Variants in ROBO2 observed in about 807,000 individuals in gnomAD.
The protein encoded by ROBO2 is roundabout homolog 2.
In ROBO2, 53 loss-of-function variants were observed where a neutral mutation model predicts 160.8. That is an observed-to-expected ratio of 0.33 (90% CI 0.26 to 0.41). The LOEUF (loss-of-function observed/expected upper bound fraction) is 0.41. Ranked by LOEUF, ROBO2 falls within the 10% of genes least tolerant of loss-of-function variation. The pLI is 1.00. For missense variants in ROBO2, 1,577 were observed against 1,722.4 expected (o/e 0.92, Z 1.49); for synonymous variants, 664 against 611.7 (o/e 1.09, Z -1.26).
chr3:76,596,005 T>C (rs2086711129), intron 2 of ROBO2, among the ~76,000 whole-genome samples: 3 of 152,094 alleles, frequency 2.0e-5, no homozygotes, highest in Admixed American at 1.3e-4. Context: ...TACACAAAGC[T>C]TGCCTTCAGA....
At chr3:75,974,974 A>T (rs1409155155) in intron 2 of ROBO2, among the ~76,000 whole-genome samples, 1 of 151,572 alleles carries the variant, frequency 6.6e-6, no homozygotes, top group Non-Finnish European at 1.5e-5. Context: ...CATATTTTTA[A>T]CCTGTCCTCA....
intron 2 of ROBO2, among the ~76,000 whole-genome samples, chr3:76,533,081 G>C (rs1184579608): frequency 6.6e-6 from 1 of 152,100 alleles, no homozygotes; most frequent in Admixed American, 6.6e-5. Context: ...TCATCAGAGG[G>C]GAGGCTATTA....
intron 2 of ROBO2, among the ~76,000 whole-genome samples, chr3:76,834,094 C>CTTTCTTTCTT (rs2067401613): frequency 8.3e-6 from 1 of 119,860 alleles, no homozygotes; most frequent in Admixed American, 9.2e-5. Context: ...TTCTTTCTTT[C>CTTTCTTTCTT]TTTCTTTCTT....
intron 2 of ROBO2, among the ~76,000 whole-genome samples, chr3:76,028,736 C>T (rs1457406262): frequency 9.9e-5 from 15 of 151,944 alleles, no homozygotes; most frequent in Admixed American, 9.2e-4. Flanking sequence ...TACCAAAGAT[C>T]ATTACCTGTC....
At chr3:76,831,319 TG>T (rs1347294092) in intron 2 of ROBO2, among the ~76,000 whole-genome samples, 1 of 152,192 alleles carries the variant, frequency 6.6e-6, no homozygotes, top group African/African-American at 2.4e-5. Context: ...TTTTGTAATA[TG>T]GTAAGTCCCC....
At chr3:77,180,410 C>CTCTA (rs2080618015) in intron 2 of ROBO2, among the ~76,000 whole-genome samples, 1 of 97,930 alleles carries the variant, frequency 1.0e-5, no homozygotes, top group Non-Finnish European at 2.3e-5. Flanking sequence ...CTCTCTCTCT[C>CTCTA]TCTCTCTATA....
At chr3:77,530,681 T>G (rs1169217601) in intron 6 of ROBO2, among the ~76,000 whole-genome samples, 2 of 151,980 alleles carry the variant, frequency 1.3e-5, no homozygotes, top group African/African-American at 2.4e-5. Context: ...TATTTGCTGG[T>G]TGCCACAAAA....
At chr3:77,284,675 C>A (rs2153376855) in intron 2 of ROBO2, among the ~76,000 whole-genome samples, 2 of 152,104 alleles carry the variant, frequency 1.3e-5, no homozygotes, top group South Asian at 4.2e-4. Context: ...TGACAATTTG[C>A]CTTCTTCTTT....
At chr3:76,768,510 A>G (rs983756317) in intron 2 of ROBO2, among the ~76,000 whole-genome samples, 8 of 151,388 alleles carry the variant, frequency 5.3e-5, no homozygotes, top group African/African-American at 1.9e-4. Context: ...GTAACCTGAA[A>G]TTTTAGCACG....
chr3:77,090,616 A>G (rs1169862130), intron 1 of ROBO2, among the ~76,000 whole-genome samples: 2 of 151,772 alleles, frequency 1.3e-5, no homozygotes, highest in Admixed American at 1.3e-4. Context: ...GGCCTCCCAA[A>G]GTGTTGGGAT....
At chr3:77,645,540 C>T (rs2095404404) in intron 25 of ROBO2, among the ~76,000 whole-genome samples, 1 of 152,102 alleles carries the variant, frequency 6.6e-6, no homozygotes, top group African/African-American at 2.4e-5. Context: ...AGGAAAGTTA[C>T]CAATACAGCT....
intron 21 of ROBO2, among the ~76,000 whole-genome samples, chr3:77,612,706 G>C (rs372888914): frequency 6.6e-6 from 1 of 152,128 alleles, no homozygotes; most frequent in African/African-American, 2.4e-5. Context: ...CAGCACGTTG[G>C]GAGGCCAAGA....
At chr3:77,367,999 TG>T (rs2153474375) in intron 2 of ROBO2, among the ~76,000 whole-genome samples, 1 of 152,324 alleles carries the variant, frequency 6.6e-6, no homozygotes, top group South Asian at 2.1e-4. Context: ...ACAAGAAGTA[TG>T]TTTTTTATAA....
intron 1 of ROBO2, among the ~76,000 whole-genome samples, chr3:77,058,491 C>G (rs1412758935): frequency 6.6e-6 from 1 of 152,136 alleles, no homozygotes; most frequent in Non-Finnish European, 1.5e-5. Context: ...AAAAAATGAA[C>G]CTATGAAATA....
chr3:76,777,795 G>A (rs958530415), intron 2 of ROBO2, among the ~76,000 whole-genome samples: 1 of 151,014 alleles, frequency 6.6e-6, no homozygotes, highest in African/African-American at 2.4e-5. Flanking sequence ...CTGGAGAAAA[G>A]ATCAACTACA....
chr3:76,819,378 CT>C (rs1293615741), intron 2 of ROBO2, among the ~76,000 whole-genome samples: 1 of 152,048 alleles, frequency 6.6e-6, no homozygotes, highest in Admixed American at 6.6e-5. Flanking sequence ...TCTCCGATCC[CT>C]TGTTAAGCTA....
intron 2 of ROBO2, among the ~76,000 whole-genome samples, chr3:76,282,978 ATTTTATTTTTTCTTTATTTTAAGAAAATT>A (rs1490122886): frequency 6.7e-6 from 1 of 148,238 alleles, no homozygotes; most frequent in Non-Finnish European, 1.5e-5. Flanking sequence ...TCTTTATTTT[ATTTTATTTTTTCTTTATTTTAAGAAAATT>A]TTTTATTTTT....
At chr3:76,841,497 C>G (rs1384755079) in intron 2 of ROBO2, among the ~76,000 whole-genome samples, 2 of 152,082 alleles carry the variant, frequency 1.3e-5, no homozygotes, top group Non-Finnish European at 2.9e-5. Context: ...TGGTACATTG[C>G]CCCCCTCCCC....
At chr3:77,041,394 C>A (rs1388912685) in intron 1 of ROBO2, among the ~76,000 whole-genome samples, 1 of 152,168 alleles carries the variant, frequency 6.6e-6, no homozygotes, top group Non-Finnish European at 1.5e-5. Flanking sequence ...AAAAGTGAGA[C>A]TGGGCGAGGC....
Sources: allele counts gnomAD v4.1 joint callset (sites outside exome capture counted in the v4.1 genomes callset), GRCh38; gene constraint gnomAD v4.1.1; transcripts MANE v1.5; gene names NCBI Gene and HGNC (gene_info 2026-07-23, HGNC 2026-07-21).